CTNNA3: variants seen among roughly 807,000 people sequenced by gnomAD.
CTNNA3 encodes the protein catenin alpha 3.
In CTNNA3, 76 loss-of-function variants were observed where a neutral mutation model predicts 95.7. The observed-to-expected ratio is 0.79, with a 90% CI of 0.66 to 0.96. The LOEUF (loss-of-function observed/expected upper bound fraction) is 0.96. Among genes scored for constraint, CTNNA3 ranks in the 40% least tolerant of loss-of-function variants. The pLI is 0.00. For synonymous variants in CTNNA3, 431 were observed against 374.4 expected, an observed-to-expected ratio of 1.15 and a Z score of -1.74; for missense variants, 1,191 against 1,089.8, an observed-to-expected ratio of 1.09 and a Z score of -1.31.
intron 7 of CTNNA3, among the ~76,000 whole-genome samples, chr10:66,985,395 G>C (rs1051789782): frequency 6.6e-6 from 1 of 152,116 alleles, no homozygotes; most frequent in African/African-American, 2.4e-5. Context: ...GAAAATATAG[G>C]GGAAGGGTGC....
intron 1 of CTNNA3, among the ~76,000 whole-genome samples, chr10:67,759,350 C>T (rs1414241337): frequency 6.6e-6 from 1 of 152,196 alleles, no homozygotes; most frequent in African/African-American, 2.4e-5. Context: ...TAAATAGTGG[C>T]AAAGCCTCTA....
At chr10:66,254,835 G>A (rs1022350795) in intron 13 of CTNNA3, among the ~76,000 whole-genome samples, 2 of 152,182 alleles carry the variant, frequency 1.3e-5, no homozygotes, top group Non-Finnish European at 2.9e-5. Context: ...GTCTGTCTCT[G>A]CCCTTGGGGC....
At chr10:66,712,716 A>G (rs148125115) in intron 9 of CTNNA3, among the ~76,000 whole-genome samples, 2 of 152,134 alleles carry the variant, frequency 1.3e-5, no homozygotes, top group Non-Finnish European at 2.9e-5. Context: ...ATAGTAGCAT[A>G]AGAAAACCTT....
intron 7 of CTNNA3, among the ~76,000 whole-genome samples, chr10:66,846,875 C>A (rs1379293410): frequency 1.3e-5 from 2 of 152,038 alleles, no homozygotes; most frequent in Non-Finnish European, 2.9e-5. Flanking sequence ...GTCTGAAATC[C>A]CTATTGGTAA....
intron 13 of CTNNA3, among the ~76,000 whole-genome samples, chr10:66,201,788 T>TC (rs1437632448): frequency 2.9e-5 from 4 of 137,428 alleles, no homozygotes; most frequent in Admixed American, 2.2e-4. Context: ...TTTTTCTTTT[T>TC]TTTTTTTTTT....
chr10:66,663,889 T>C (rs1404265837), intron 9 of CTNNA3, among the ~76,000 whole-genome samples: 1 of 152,142 alleles, frequency 6.6e-6, no homozygotes, highest in African/African-American at 2.4e-5. Context: ...CTTTTTAAAT[T>C]AGCATTAGTC....
chr10:67,504,977 C>T (rs1400218128), intron 5 of CTNNA3, among the ~76,000 whole-genome samples: 1 of 152,074 alleles, frequency 6.6e-6, no homozygotes, highest in Non-Finnish European at 1.5e-5. Context: ...TTAACTATGC[C>T]CAATCTTAAT....
intron 13 of CTNNA3, among the ~76,000 whole-genome samples, chr10:66,222,641 A>G (rs993673209): frequency 8.6e-6 from 1 of 116,634 alleles, no homozygotes; most frequent in Non-Finnish European, 2.0e-5. Context: ...AAAGAAAGAA[A>G]GAAAAGAGAG....
chr10:66,404,346 C>A (rs2093041243), intron 11 of CTNNA3, among the ~76,000 whole-genome samples: 1 of 152,130 alleles, frequency 6.6e-6, no homozygotes, highest in Admixed American at 6.6e-5. Flanking sequence ...AGCTTCAGGT[C>A]AATTAAACTC....
At chr10:66,004,489 T>G (rs1163829634) in intron 15 of CTNNA3, among the ~76,000 whole-genome samples, 1 of 152,166 alleles carries the variant, frequency 6.6e-6, no homozygotes, top group Non-Finnish European at 1.5e-5. Context: ...CATAGAGACA[T>G]GTAACCTAGT....
At chr10:65,969,500 G>A (rs1298000024) in intron 16 of CTNNA3, among the ~76,000 whole-genome samples, 3 of 152,154 alleles carry the variant, frequency 2.0e-5, no homozygotes, top group Non-Finnish European at 4.4e-5. Flanking sequence ...TAAGATCCAA[G>A]ATGAGGTTGA....
intron 11 of CTNNA3, among the ~76,000 whole-genome samples, chr10:66,390,971 G>A (rs1911480): frequency 6.6e-6 from 1 of 151,922 alleles, no homozygotes; most frequent in Non-Finnish European, 1.5e-5. Flanking sequence ...AAAAGATAAA[G>A]TACAGTCCCT....
At chr10:66,441,266 A>G (rs2093373883) in intron 11 of CTNNA3, among the ~76,000 whole-genome samples, 1 of 152,210 alleles carries the variant, frequency 6.6e-6, no homozygotes, top group African/African-American at 2.4e-5. Flanking sequence ...GTAAAATTGT[A>G]ATGTGACAAT....
intron 5 of CTNNA3, among the ~76,000 whole-genome samples, chr10:67,324,701 CTTTT>C (rs77397580): frequency 7.0e-6 from 1 of 141,980 alleles, no homozygotes; most frequent in Non-Finnish European, 1.6e-5. Flanking sequence ...AAATTTTCTC[CTTTT>C]TTTTTTTTTG....
chr10:66,781,123 A>G (rs1840520041), intron 7 of CTNNA3, among the ~76,000 whole-genome samples: 1 of 152,206 alleles, frequency 6.6e-6, no homozygotes, highest in African/African-American at 2.4e-5. Context: ...TAAAGCAAAT[A>G]AAAATTTATC....
intron 9 of CTNNA3, among the ~76,000 whole-genome samples, chr10:66,705,202 T>C (rs1407033351): frequency 1.3e-5 from 2 of 152,112 alleles, no homozygotes; most frequent in Admixed American, 1.3e-4. Flanking sequence ...CTAGTATTCT[T>C]AGGATAAATC....
chr10:66,297,312 C>T (rs754941447), intron 12 of CTNNA3, among the ~76,000 whole-genome samples: 34 of 151,866 alleles, frequency 2.2e-4, no homozygotes, highest in Admixed American at 2.2e-3. Flanking sequence ...CCTTGCAAGC[C>T]GGGCATAAAT....
intron 10 of CTNNA3, among the ~76,000 whole-genome samples, chr10:66,532,386 T>C (rs1371882721): frequency 6.6e-6 from 1 of 150,946 alleles, no homozygotes. Context: ...GGCATGAACC[T>C]GGGAGGCGGA....
intron 7 of CTNNA3, among the ~76,000 whole-genome samples, chr10:66,966,462 G>T (rs893928651): frequency 6.3e-5 from 9 of 142,568 alleles, no homozygotes; most frequent in Non-Finnish European, 1.2e-4. Context: ...ATATGCAGCT[G>T]GGTTAACTCG....
Sources: allele counts gnomAD v4.1 joint callset (sites outside exome capture counted in the v4.1 genomes callset), GRCh38; gene constraint gnomAD v4.1.1; transcripts MANE v1.5; gene names NCBI Gene and HGNC (gene_info 2026-07-23, HGNC 2026-07-21).